The following MALRD1 variants were observed in gnomAD, a reference collection of about 807,000 sequenced individuals.
MALRD1 encodes the protein MAM and LDL receptor class A domain containing 1.
A neutral mutation model predicts 242.1 loss-of-function variants in MALRD1; 247 were observed. The ratio of observed to expected loss-of-function variants is 1.02; its 90% CI spans 0.92 to 1.13. The LOEUF (loss-of-function observed/expected upper bound fraction) is 1.13. MALRD1 is among the 50% of genes most tolerant of loss of function. The pLI, the probability that MALRD1 is intolerant of heterozygous loss-of-function variation, is 0.00. For synonymous variants in MALRD1, 995 were observed against 866.6 expected (o/e 1.15, Z -2.60); for missense variants, 2,989 against 2,533.1 (o/e 1.18, Z -3.86).
intron 32 of MALRD1, among the ~76,000 whole-genome samples, chr10:19,558,395 C>A (rs1196930453): frequency 6.6e-6 from 1 of 152,124 alleles, no homozygotes; most frequent in East Asian, 1.9e-4. Context: ...TATTCTTTAT[C>A]AATATGAAGT....
chr10:19,470,173 A>C (rs533474719), intron 29 of MALRD1, among the ~76,000 whole-genome samples: 69 of 152,142 alleles, frequency 4.5e-4, no homozygotes, highest in African/African-American at 1.6e-3. Context: ...AGAAGATTCC[A>C]CATATAACTA....
intron 32 of MALRD1, among the ~76,000 whole-genome samples, chr10:19,538,328 G>A (rs1413778517): frequency 1.3e-5 from 2 of 152,114 alleles, no homozygotes; most frequent in Non-Finnish European, 2.9e-5. Context: ...TTCAATTAAA[G>A]GCTGAAGGAA....
At chr10:19,566,748 C>T (rs1053049810) in intron 32 of MALRD1, among the ~76,000 whole-genome samples, 9 of 151,110 alleles carry the variant, frequency 6.0e-5, no homozygotes, top group African/African-American at 2.2e-4. Flanking sequence ...TTATATATAA[C>T]GTTGGTATCT....
intron 33 of MALRD1, among the ~76,000 whole-genome samples, chr10:19,585,761 G>T (rs1357748143): frequency 1.3e-5 from 2 of 152,078 alleles, no homozygotes; most frequent in Non-Finnish European, 2.9e-5. Flanking sequence ...TCCTGAATCT[G>T]AATGTTCGCC....
intron 19 of MALRD1, among the ~76,000 whole-genome samples, chr10:19,275,540 G>A (rs1840470569): frequency 6.6e-6 from 1 of 152,246 alleles, no homozygotes; most frequent in Non-Finnish European, 1.5e-5. Context: ...GTGGTGGCGG[G>A]CGCCTGTAGT....
At chr10:19,075,028 T>G (rs1466633891) in intron 2 of MALRD1, among the ~76,000 whole-genome samples, 2 of 152,030 alleles carry the variant, frequency 1.3e-5, no homozygotes, top group Non-Finnish European at 2.9e-5. Context: ...ACCCAGTAGA[T>G]GTCAATTTTC....
rs534080917 is a variant in MALRD1 at position 19,173,303 on chromosome 10, G to A, written c.1831-1905G>A. Among the ~76,000 whole-genome samples the A allele has an allele frequency of 7.9e-5, 12 of 151,914 alleles. No individual in the cohort carries two copies. In the South Asian group the frequency reaches 1.9e-3, roughly 24 times the overall value. On this transcript the variant is annotated intron_variant, in intron 13 of 39. Transcript: ENST00000454679. ...ATTTCTTTCCATAATGACACATGGCGATAGATATTATTTTTAACTGGTATA... is the reference window on the plus strand; with the variant it reads ...ATTTCTTTCCATAATGACACATGGCAATAGATATTATTTTTAACTGGTATA...
intron 32 of MALRD1, among the ~76,000 whole-genome samples, chr10:19,549,622 C>T (rs1835395041): frequency 6.6e-6 from 1 of 152,188 alleles, no homozygotes; most frequent in African/African-American, 2.4e-5. Flanking sequence ...GCACACTTAA[C>T]CGACTACAGT....
chr10:19,342,027 T>C (rs1324694153), intron 24 of MALRD1, among the ~76,000 whole-genome samples: 1 of 152,116 alleles, frequency 6.6e-6, no homozygotes. Flanking sequence ...CCAAGTAAAC[T>C]GATGAATTCT....
chr10:19,696,751 T>TAA (rs754208733), intron 38 of MALRD1, among the ~76,000 whole-genome samples: 50 of 140,702 alleles, frequency 3.6e-4, no homozygotes, highest in African/African-American at 1.2e-3. Context: ...TGCCCAAAAT[T>TAA]AAAAAAAAAA....
chr10:19,480,827 G>A (rs1836962089), intron 29 of MALRD1, among the ~76,000 whole-genome samples: 1 of 152,090 alleles, frequency 6.6e-6, no homozygotes, highest in African/African-American at 2.4e-5. Context: ...CTTCTAAACA[G>A]GCTTTTTTTT....
chr10:19,542,178 G>A (rs1158320878), intron 32 of MALRD1, among the ~76,000 whole-genome samples: 2 of 152,132 alleles, frequency 1.3e-5, no homozygotes, highest in African/African-American at 4.8e-5. Context: ...AACAGACTAG[G>A]TGCAAAGTCA....
chr10:19,365,445 G>T (rs1372061047), intron 26 of MALRD1, among the ~76,000 whole-genome samples: 1 of 151,784 alleles, frequency 6.6e-6, no homozygotes. Flanking sequence ...CTGTCTCTTG[G>T]TTTCTAATTT....
At chr10:19,563,012 A>AT (rs1337858982) in intron 32 of MALRD1, among the ~76,000 whole-genome samples, 1 of 152,040 alleles carries the variant, frequency 6.6e-6, no homozygotes, top group Non-Finnish European at 1.5e-5. Context: ...ATAGTTGTTG[A>AT]TTTTCAGTTT....
chr10:19,595,555 A>G, intron 34 of MALRD1, 98 bp downstream of exon 34: 1 of 1,299,882 alleles, frequency 7.7e-7, no homozygotes, highest in Non-Finnish European at 1.0e-6. Flanking sequence ...CTAGAGCCTT[A>G]CCGTGATTGT....
chr10:19,364,124 A>G (rs1202306252), intron 26 of MALRD1, among the ~76,000 whole-genome samples: 1 of 152,090 alleles, frequency 6.6e-6, no homozygotes, highest in Non-Finnish European at 1.5e-5. Context: ...ACAAGAAATA[A>G]CTGGAAGTCA....
intron 18 of MALRD1, among the ~76,000 whole-genome samples, chr10:19,226,241 C>G (rs11592633): frequency 0.048 from 7,326 of 152,130 alleles, 246 homozygotes; most frequent in Middle Eastern, 0.075. Flanking sequence ...ACGTGACACT[C>G]TCGATAGATG....
At chr10:19,074,918 A>C (rs935941412) in intron 2 of MALRD1, among the ~76,000 whole-genome samples, 1 of 151,544 alleles carries the variant, frequency 6.6e-6, no homozygotes, top group Non-Finnish European at 1.5e-5. Flanking sequence ...ATAAATATAC[A>C]AATTTCAAAA....
chr10:19,453,734 G>T (rs1835452942), intron 29 of MALRD1, among the ~76,000 whole-genome samples: 1 of 152,094 alleles, frequency 6.6e-6, no homozygotes, highest in South Asian at 2.1e-4. Context: ...AAATTAGCTG[G>T]GCGTTGTGGC....
Sources: allele counts gnomAD v4.1 joint callset (sites outside exome capture counted in the v4.1 genomes callset), GRCh38; gene constraint gnomAD v4.1.1; transcripts MANE v1.5; gene names NCBI Gene and HGNC (gene_info 2026-07-23, HGNC 2026-07-21).